The following KLRG1 variants were observed in gnomAD, a reference collection of about 807,000 sequenced individuals.
The protein encoded by KLRG1 is killer cell lectin like receptor G1.
A neutral mutation model predicts 21.8 loss-of-function variants in KLRG1; 16 were observed. That is an observed-to-expected ratio of 0.73 (90% CI 0.50 to 1.11). KLRG1 has a LOEUF of 1.11. Ranked by LOEUF, KLRG1 falls within the 50% of genes most tolerant of loss-of-function variation. The pLI is 0.00. For missense variants in KLRG1, 173 were observed against 218.3 expected, an observed-to-expected ratio of 0.79 and a Z score of 1.31; for synonymous variants, 69 against 75.9, an observed-to-expected ratio of 0.91 and a Z score of 0.47.
At chr12:9,089,289 T>C in the KLRG1 span, 2 of 1,435,004 alleles carry the variant, frequency 1.4e-6, no homozygotes, top group Non-Finnish European at 1.9e-6. Flanking sequence ...GAGAATGGAC[T>C]GACCTTCAGA....
chr12:8,950,898 TTAAA>T (rs1333150321), intron 1 of KLRG1, among the ~76,000 whole-genome samples: 2 of 152,100 alleles, frequency 1.3e-5, no homozygotes, highest in Non-Finnish European at 2.9e-5. Flanking sequence ...GAGCCAGTAT[TTAAA>T]TAGTCTCCAT....
the KLRG1 span, chr12:9,169,300 G>A: frequency 9.6e-5 from 89 of 925,892 alleles, no homozygotes; most frequent in African/African-American, 1.4e-3. Context: ...CTTTTTATTG[G>A]CTTCATTTTT....
chr12:9,063,411 A>G, the KLRG1 span, among the ~76,000 whole-genome samples: 10 of 152,336 alleles, frequency 6.6e-5, no homozygotes, highest in Non-Finnish European at 1.3e-4. Context: ...ATATTTCAAA[A>G]TAAAATACAA....
the KLRG1 span, chr12:9,162,634 C>A: frequency 3.1e-6 from 5 of 1,594,382 alleles, no homozygotes; most frequent in African/African-American, 5.4e-5. Flanking sequence ...TCTTTTCTTG[C>A]TCAATACCTT....
At chr12:9,162,726 A>C in the KLRG1 span, 15 of 1,165,310 alleles carry the variant, frequency 1.3e-5, no homozygotes, top group African/African-American at 2.0e-4. Flanking sequence ...CCTTTCTTTG[A>C]TGGGTAGGGT....
chr12:9,205,205 A>AT, the KLRG1 span, among the ~76,000 whole-genome samples: 2 of 152,098 alleles, frequency 1.3e-5, no homozygotes, highest in Admixed American at 1.3e-4. Context: ...GGCACAGGCA[A>AT]TTTTTTGTGT....
chr12:8,959,855 A>G (rs1192340828), intron 1 of KLRG1, among the ~76,000 whole-genome samples: 1 of 152,188 alleles, frequency 6.6e-6, no homozygotes, highest in Non-Finnish European at 1.5e-5. Flanking sequence ...GTATGTAGAA[A>G]CACAATTGGT....
the KLRG1 span, chr12:9,202,817 A>G: frequency 6.0e-6 from 5 of 840,026 alleles, no homozygotes; most frequent in Admixed American, 2.9e-5. Flanking sequence ...TTCTTCAGAC[A>G]TAAGAGTGAC....
chr12:9,214,398 G>T, the KLRG1 span, among the ~76,000 whole-genome samples: 1 of 152,012 alleles, frequency 6.6e-6, no homozygotes, highest in Non-Finnish European at 1.5e-5. Flanking sequence ...ATGGAATTGT[G>T]TTGAATCTGT....
the KLRG1 span, among the ~76,000 whole-genome samples, chr12:9,082,628 A>G: frequency 1.3e-5 from 2 of 152,202 alleles, no homozygotes; most frequent in East Asian, 1.9e-4. Flanking sequence ...AAATAATGCA[A>G]GGACACAGGA....
the KLRG1 span, chr12:9,152,760 T>G: frequency 6.5e-7 from 1 of 1,537,644 alleles, no homozygotes; most frequent in South Asian, 1.2e-5. Context: ...AATGGACTAT[T>G]AATTTCTGTT....
chr12:8,976,142 C>G (rs1385559449), intron 1 of KLRG1, among the ~76,000 whole-genome samples: 1 of 152,030 alleles, frequency 6.6e-6, no homozygotes, highest in East Asian at 1.9e-4. Flanking sequence ...TACTGCATCC[C>G]ATAAGTTTTG....
chr12:9,057,425 G>A, the KLRG1 span, among the ~76,000 whole-genome samples: 1 of 152,096 alleles, frequency 6.6e-6, no homozygotes, highest in African/African-American at 2.4e-5. Flanking sequence ...ACTCTAATTG[G>A]GTGATGGCTA....
chr12:9,035,768 C>A, the KLRG1 span, among the ~76,000 whole-genome samples: 11 of 151,550 alleles, frequency 7.3e-5, no homozygotes, highest in Non-Finnish European at 1.5e-4. Context: ...CAACAGTGGA[C>A]TGGATAAAGA....
chr12:8,962,016 G>A (rs1253267725), intron 1 of KLRG1, among the ~76,000 whole-genome samples: 1 of 152,116 alleles, frequency 6.6e-6, no homozygotes, highest in Non-Finnish European at 1.5e-5. Flanking sequence ...AGGCCAGGAG[G>A]TGGAGGTTAT....
the KLRG1 span, chr12:9,111,921 C>G: frequency 2.2e-5 from 14 of 640,150 alleles, no homozygotes; most frequent in African/African-American, 2.5e-4. Flanking sequence ...AAGAACCATC[C>G]GAAAAGTAAA....
intron 3 of KLRG1, among the ~76,000 whole-genome samples, chr12:9,002,910 TACAC>T (rs59706974): frequency 0.11 from 15,285 of 144,630 alleles, 924 homozygotes; most frequent in East Asian, 0.3. Context: ...CTCTTTCTAA[TACAC>T]ACACACACAC....
rs199843764 is a variant in KLRG1 at position 8,992,710 on chromosome 12, T to TA, written c.187+400_187+401insA. 8.6e-4 allele frequency among the ~76,000 whole-genome samples: 129 copies of TA among 149,164 alleles called. 1 individual carries two copies. Among genetic ancestry groups the TA allele is most frequent in the African/African-American group, 1.9e-3 (76 of 40,844 alleles). The stretch of plus-strand genomic sequence containing the variant: ...CTAATTTTTGTATTATTATTATTAT[T>TA]TTTTTTTTTTTGTAAAGACATTTCA... On this transcript the variant is annotated intron_variant, in intron 2 of 4. Coordinates refer to ENST00000356986, the MANE Select transcript of KLRG1 (RefSeq NM_005810.4).
the KLRG1 span, chr12:9,159,794 G>T: frequency 1.4e-6 from 1 of 718,598 alleles, no homozygotes; most frequent in Non-Finnish European, 2.2e-6. Flanking sequence ...AGCCTTCATA[G>T]CTATAAGAAA....
Sources: allele counts gnomAD v4.1 joint callset (sites outside exome capture counted in the v4.1 genomes callset), GRCh38; gene constraint gnomAD v4.1.1; transcripts MANE v1.5; gene names NCBI Gene and HGNC (gene_info 2026-07-23, HGNC 2026-07-21).